KLHL14: variants seen among roughly 807,000 people sequenced by gnomAD.
The protein encoded by KLHL14 is kelch like family member 14, also known as kelch-like protein 14.
In KLHL14, 22 loss-of-function variants were observed where a neutral mutation model predicts 64.3. That is an observed-to-expected ratio of 0.34 (90% CI 0.24 to 0.49). KLHL14 has a LOEUF of 0.49. KLHL14 is among the 20% of genes least tolerant of loss of function. The pLI is 0.99. For synonymous variants in KLHL14, 322 were observed against 333.4 expected (o/e 0.97, Z 0.37); for missense variants, 661 against 789.0 (o/e 0.84, Z 1.94).
chr18:32,728,712 A>G (rs1357537), intron 3 of KLHL14, among the ~76,000 whole-genome samples: 145,011 of 152,214 alleles, frequency 0.95, 69,440 homozygotes, highest in East Asian at 1. Context: ...ATTTTTGCCC[A>G]TCATCCTTAC....
intron 3 of KLHL14, chr18:32,737,578 A>T (rs982130174): frequency 6.6e-6 from 1 of 152,114 alleles, no homozygotes; most frequent in African/African-American, 2.4e-5. Flanking sequence ...CCATTTATAG[A>T]AAGTATAGTT....
intron 2 of KLHL14, among the ~76,000 whole-genome samples, chr18:32,742,663 C>T (rs2050204889): frequency 6.6e-6 from 1 of 152,154 alleles, no homozygotes; most frequent in African/African-American, 2.4e-5. Context: ...ACCCTCCCCT[C>T]TGCTCTCCCC....
rs1229737083 is a variant in KLHL14 at position 32,693,413 on chromosome 18, C to CACACAG, written c.1159+2049_1159+2050insCTGTGT. On this transcript the variant is annotated intron_variant, in intron 4 of 8. Transcript: ENST00000359358. ...ACACACACACACACACACACACACA[C>CACACAG]AGAGAGAGAGAGAGAGAGAGAGAGA... Among the ~76,000 whole-genome samples, 49 of 97,038 alleles carry CACACAG rather than the reference C, an allele frequency of 5.0e-4. 1 individual carries two copies. The highest frequency in any genetic ancestry group is 1.4e-3 in the African/African-American group (29 of 20,680). The allele number at this position is 97,038 out of a possible 152,430, so 63.7% of individuals were successfully genotyped here.
rs531902043 is a variant in KLHL14, at chr18:32,695,832, G to T, written c.1070-280C>A. Reference sequence around the variant, plus strand: ...AAGAACAACCTGTCATGCTGCTTTCGATTCCTAGGTTCTCCTAGCCTGCCT... The same window carrying T: ...AAGAACAACCTGTCATGCTGCTTTCTATTCCTAGGTTCTCCTAGCCTGCCT... On this transcript the variant is annotated intron_variant, in intron 3 of 8. Transcript: ENST00000359358. Among the ~76,000 whole-genome samples the T allele has an allele frequency of 2.6e-5, 4 of 152,104 alleles. No individual in the cohort carries two copies. The East Asian group carries it at 7.7e-4, about 29-fold the overall frequency.
intron 2 of KLHL14, among the ~76,000 whole-genome samples, chr18:32,754,583 G>A (rs2050272241): frequency 6.6e-6 from 1 of 152,216 alleles, no homozygotes; most frequent in South Asian, 2.1e-4. Flanking sequence ...GATGCTGAGA[G>A]GGACAACAGC....
chr18:32,682,732 A>G (rs1316601914), intron 5 of KLHL14, among the ~76,000 whole-genome samples: 1 of 152,208 alleles, frequency 6.6e-6, no homozygotes, highest in African/African-American at 2.4e-5. Context: ...TGATAGGTCA[A>G]AGTTATTCTA....
At chr18:32,693,562 A>C (rs2049922493) in intron 4 of KLHL14, among the ~76,000 whole-genome samples, 1 of 152,168 alleles carries the variant, frequency 6.6e-6, no homozygotes, top group South Asian at 2.1e-4. Flanking sequence ...AAAGAGACAC[A>C]ATAGTCACAT....
At chr18:32,720,609 A>C (rs187433166) in intron 3 of KLHL14, among the ~76,000 whole-genome samples, 7 of 152,302 alleles carry the variant, frequency 4.6e-5, no homozygotes, top group African/African-American at 1.7e-4. Context: ...TGCTGTCACA[A>C]GGATGAATGT....
At chr18:32,705,327 T>C (rs920400457) in intron 3 of KLHL14, among the ~76,000 whole-genome samples, 1 of 152,254 alleles carries the variant, frequency 6.6e-6, no homozygotes, top group African/African-American at 2.4e-5. Flanking sequence ...ATGATGAATG[T>C]GCCAATTACC....
chr18:32,750,620 CCT>C (rs529581518), intron 2 of KLHL14, among the ~76,000 whole-genome samples: 190 of 152,320 alleles, frequency 1.2e-3, no homozygotes, highest in Non-Finnish European at 2.3e-3. Flanking sequence ...CTGCCAGCTG[CCT>C]CTGTTAGGGT....
chr18:32,765,619 T>C (rs1468392757), intron 2 of KLHL14, among the ~76,000 whole-genome samples: 1 of 152,182 alleles, frequency 6.6e-6, no homozygotes, highest in Admixed American at 6.5e-5. Flanking sequence ...AGAGAATGCA[T>C]GGATACAAGT....
intron 2 of KLHL14, among the ~76,000 whole-genome samples, chr18:32,761,364 C>A (rs1178232938): frequency 6.6e-6 from 1 of 150,706 alleles, no homozygotes; most frequent in Admixed American, 6.6e-5. Context: ...TTTGGACAAC[C>A]CCTCTTGCCA....
At chr18:32,756,758 G>T (rs563910602) in intron 2 of KLHL14, among the ~76,000 whole-genome samples, 17 of 152,304 alleles carry the variant, frequency 1.1e-4, no homozygotes, top group Non-Finnish European at 2.5e-4. Context: ...ATACAACAAT[G>T]CCAATTGAAG....
intron 5 of KLHL14, among the ~76,000 whole-genome samples, chr18:32,681,088 C>T (rs551362308): frequency 2.6e-5 from 4 of 152,198 alleles, no homozygotes; most frequent in Non-Finnish European, 5.9e-5. Flanking sequence ...TTTTTTTACC[C>T]TTAGTACTAC....
chr18:32,708,623 C>T (rs1466358173), intron 3 of KLHL14, among the ~76,000 whole-genome samples: 2 of 152,212 alleles, frequency 1.3e-5, no homozygotes, highest in Non-Finnish European at 2.9e-5. Context: ...CACCCCACTA[C>T]CTGACCCACC....
At chr18:32,682,620 A>G (rs562016587) in intron 5 of KLHL14, among the ~76,000 whole-genome samples, 3 of 152,350 alleles carry the variant, frequency 2.0e-5, no homozygotes, top group Admixed American at 1.3e-4. Flanking sequence ...ACTCATCTAA[A>G]TATAAAATAA....
chr18:32,728,610 G>A (rs1033631973), intron 3 of KLHL14, among the ~76,000 whole-genome samples: 33 of 152,122 alleles, frequency 2.2e-4, no homozygotes, highest in Non-Finnish European at 1.0e-4. Flanking sequence ...ATTAAGATGA[G>A]GTCATACTGG....
chr18:32,689,501 C>T (rs150620848), intron 4 of KLHL14, among the ~76,000 whole-genome samples: 22 of 152,140 alleles, frequency 1.4e-4, no homozygotes, highest in African/African-American at 4.8e-4. Context: ...TTCAGTGAAC[C>T]GGAGGGGATG....
chr18:32,682,515 C>T (rs1252623760), intron 5 of KLHL14, among the ~76,000 whole-genome samples: 3 of 152,102 alleles, frequency 2.0e-5, no homozygotes, highest in Admixed American at 1.3e-4. Context: ...TGTTTTTGCA[C>T]ATGTGCATTT....
Sources: gnomAD v4.1 joint callset for allele counts (sites outside exome capture counted in the v4.1 genomes callset) on GRCh38, gnomAD v4.1.1 for gene constraint, MANE v1.5 for transcripts, NCBI Gene and HGNC (gene_info 2026-07-23, HGNC 2026-07-21) for gene names.